The following LHFPL3 variants were observed in gnomAD, a reference collection of about 807,000 sequenced individuals.
The protein encoded by LHFPL3 is LHFPL tetraspan subfamily member 3 protein.
In LHFPL3, 5 loss-of-function variants were observed where a neutral mutation model predicts 19.3. That is an observed-to-expected ratio of 0.26 (90% CI 0.14 to 0.54). LHFPL3 has a LOEUF of 0.54. LHFPL3 is among the 20% of genes least tolerant of loss of function. LHFPL3 has a pLI of 0.94. For synonymous variants in LHFPL3, 133 were observed against 126.2 expected, an observed-to-expected ratio of 1.05 and a Z score of -0.36; for missense variants, 249 against 307.4, an observed-to-expected ratio of 0.81 and a Z score of 1.42.
chr7:104,788,725 T>C (rs1213939600), intron 2 of LHFPL3, among the ~76,000 whole-genome samples: 1 of 152,220 alleles, frequency 6.6e-6, no homozygotes, highest in Non-Finnish European at 1.5e-5. Context: ...AATTGGAGCA[T>C]GTAACCGTTT....
At position 104,624,288 on chromosome 7, in the gene LHFPL3, C is replaced by T. The variant is rs79856823; in HGVS notation, c.446-112387C>T. On this transcript the variant is annotated intron_variant, in intron 1 of 2. Coordinates refer to ENST00000424859, the MANE Select transcript of LHFPL3 (RefSeq NM_199000.3). ...TAGCCATGCCCAGAAACCCAGTTCT[C>T]GGCGAAGTAGTCAATATTGAGAATC... Among the ~76,000 whole-genome samples the T allele has an allele frequency of 4.1e-3, 624 of 152,282 alleles. 35 individuals are homozygous for T. In the East Asian group the frequency reaches 0.1, roughly 24 times the overall value.
chr7:104,473,963 ACACT>A (rs1040099235), intron 1 of LHFPL3, among the ~76,000 whole-genome samples: 4 of 152,216 alleles, frequency 2.6e-5, no homozygotes, highest in Admixed American at 2.0e-4. Flanking sequence ...GTGCGTGCAC[ACACT>A]CTTTTCTACA....
intron 1 of LHFPL3, among the ~76,000 whole-genome samples, chr7:104,607,848 C>T (rs7805715): frequency 0.033 from 5,087 of 152,168 alleles, 292 homozygotes; most frequent in African/African-American, 0.12. Flanking sequence ...TGAACAGACA[C>T]TTCTCAAAAG....
chr7:104,787,409 A>C (rs1789937998), intron 2 of LHFPL3, among the ~76,000 whole-genome samples: 1 of 152,210 alleles, frequency 6.6e-6, no homozygotes, highest in Admixed American at 6.5e-5. Context: ...GCTTATAAAC[A>C]ACAGAAACTT....
In LHFPL3 at chr7:104,553,732, C is replaced by T. The variant is rs537433135; in HGVS notation, c.446-182943C>T. ...CAGAATATTGAGATCACTTCACACC[C>T]TACAAATAAGCAAGTCCCCTCTTTT... On this transcript the variant is annotated intron_variant, in intron 1 of 2. Coordinates refer to ENST00000424859, the MANE Select transcript of LHFPL3 (RefSeq NM_199000.3). 3.3e-5 allele frequency among the ~76,000 whole-genome samples: 5 copies of T among 152,318 alleles called. No homozygotes were observed. The South Asian group carries it at 1.0e-3, about 32-fold the overall frequency.
intron 1 of LHFPL3, among the ~76,000 whole-genome samples, chr7:104,598,559 G>A (rs1790907251): frequency 6.6e-6 from 1 of 152,198 alleles, no homozygotes. Flanking sequence ...AGATGCTCAA[G>A]GGATTTTGCT....
rs139547096 is a variant in LHFPL3, at chr7:104,454,797, G to T, written c.445+125573G>T. ...TGCCATTCCACTGCTTTAATTAAAA[G>T]ACAGAAGGGGCATAATTGCCTAACT... On this transcript the variant is annotated intron_variant, in intron 1 of 2. Coordinates refer to ENST00000424859, the MANE Select transcript of LHFPL3 (RefSeq NM_199000.3). Among the ~76,000 whole-genome samples, 316 of 152,244 alleles carry T rather than the reference G, an allele frequency of 2.1e-3. 1 individual carries two copies. The highest frequency in any genetic ancestry group is 7.3e-3 in the African/African-American group (305 of 41,544).
chr7:104,804,359 A>G (rs1050458661), intron 2 of LHFPL3, among the ~76,000 whole-genome samples: 1 of 152,214 alleles, frequency 6.6e-6, no homozygotes, highest in South Asian at 2.1e-4. Flanking sequence ...GGAGGAATGG[A>G]TAGCAACCAG....
At chr7:104,576,314 G>T (rs1036094974) in intron 1 of LHFPL3, among the ~76,000 whole-genome samples, 1 of 152,180 alleles carries the variant, frequency 6.6e-6, no homozygotes, top group African/African-American at 2.4e-5. Context: ...AAAGACCAAA[G>T]GGTGTTCATT....
At chr7:104,367,315 T>C (rs553092644) in intron 1 of LHFPL3, among the ~76,000 whole-genome samples, 5 of 152,210 alleles carry the variant, frequency 3.3e-5, no homozygotes, top group Non-Finnish European at 7.3e-5. Flanking sequence ...TCCTTTGGAC[T>C]GTAAACATCA....
intron 2 of LHFPL3, among the ~76,000 whole-genome samples, chr7:104,824,849 CTAA>C (rs1247338609): frequency 1.6e-5 from 2 of 125,362 alleles, no homozygotes; most frequent in African/African-American, 3.1e-5. Flanking sequence ...TATATATTAT[CTAA>C]TAATTATATA....
In LHFPL3 at chr7:104,772,442, G is replaced by A. The variant is rs137996461; in HGVS notation, c.682+35531G>A. ...GTCTTATAGCCATGCAGCCCCTACG[G>A]TGTGCTCAGACAATGGGCTCCGACT... On this transcript the variant is annotated intron_variant, in intron 2 of 2. Coordinates refer to ENST00000424859, the MANE Select transcript of LHFPL3 (RefSeq NM_199000.3). Among the ~76,000 whole-genome samples, 987 of 152,178 alleles carry A rather than the reference G, an allele frequency of 6.5e-3. 5 individuals carry two copies. Among genetic ancestry groups the A allele is most frequent in the Non-Finnish European group, 9.8e-3 (666 of 67,996 alleles).
intron 1 of LHFPL3, among the ~76,000 whole-genome samples, chr7:104,391,206 A>C (rs142963352): frequency 0.051 from 7,748 of 152,060 alleles, 650 homozygotes; most frequent in African/African-American, 0.18. Flanking sequence ...CCATTTGTCA[A>C]TTTTGGTTTT....
At chr7:104,730,524 G>T (rs1453176189) in intron 1 of LHFPL3, among the ~76,000 whole-genome samples, 5 of 152,086 alleles carry the variant, frequency 3.3e-5, no homozygotes, top group African/African-American at 4.8e-5. Flanking sequence ...CATGTGTCTG[G>T]TGGCTGCATA....
chr7:104,477,869 G>A (rs1024674918), intron 1 of LHFPL3, among the ~76,000 whole-genome samples: 1 of 152,172 alleles, frequency 6.6e-6, no homozygotes, highest in Non-Finnish European at 1.5e-5. Context: ...TCTAGAGGAT[G>A]AGCAGGAATT....
intron 1 of LHFPL3, among the ~76,000 whole-genome samples, chr7:104,518,519 A>G (rs915545790): frequency 1.9e-4 from 29 of 152,144 alleles, no homozygotes; most frequent in African/African-American, 7.0e-4. Flanking sequence ...TACTGGACAC[A>G]TTTAAAAGTG....
intron 1 of LHFPL3, among the ~76,000 whole-genome samples, chr7:104,429,436 T>C (rs1463623441): frequency 6.6e-6 from 1 of 150,816 alleles, no homozygotes; most frequent in African/African-American, 2.4e-5. Context: ...GCCTCCCAAG[T>C]AGCTGAGATT....
chr7:104,741,369 A>G (rs1347550553), intron 2 of LHFPL3, among the ~76,000 whole-genome samples: 2 of 151,944 alleles, frequency 1.3e-5, no homozygotes, highest in African/African-American at 4.8e-5. Flanking sequence ...ACAAGTTTGA[A>G]GACACAACTG....
chr7:104,414,109 T>C (rs1018982561), intron 1 of LHFPL3, among the ~76,000 whole-genome samples: 2 of 151,722 alleles, frequency 1.3e-5, no homozygotes, highest in Non-Finnish European at 2.9e-5. Context: ...AAAAAAAAAC[T>C]ATCGCACAGA....
Sources: gnomAD v4.1 joint callset for allele counts (sites outside exome capture counted in the v4.1 genomes callset) on GRCh38, gnomAD v4.1.1 for gene constraint, MANE v1.5 for transcripts, NCBI Gene and HGNC (gene_info 2026-07-23, HGNC 2026-07-21) for gene names.